Variants in ARHGEF4 observed in about 807,000 individuals in gnomAD.
ARHGEF4 encodes APC-stimulated guanine nucleotide exchange factor 1.
In ARHGEF4, 119 loss-of-function variants were observed where a neutral mutation model predicts 162.0. The ratio of observed to expected loss-of-function variants is 0.73; its 90% confidence interval spans 0.63 to 0.86. ARHGEF4 has a LOEUF of 0.86. Among genes scored for constraint, ARHGEF4 ranks in the 40% least tolerant of loss-of-function variants. ARHGEF4 has a pLI of 0.00. For missense variants in ARHGEF4, 2,488 were observed against 2,456.0 expected (o/e 1.01, Z -0.28); for synonymous variants, 1,014 against 979.9 (o/e 1.03, Z -0.65).
intron 1 of ARHGEF4, among the ~76,000 whole-genome samples, chr2:130,840,738 C>A (rs1680547066): frequency 6.6e-6 from 1 of 152,322 alleles, no homozygotes; most frequent in African/African-American, 2.4e-5. Context: ...CTGCCTCTGG[C>A]AAGCGTCACT....
chr2:130,933,692 T>A (rs997937550), intron 3 of ARHGEF4, among the ~76,000 whole-genome samples: 4 of 152,228 alleles, frequency 2.6e-5, no homozygotes, highest in Non-Finnish European at 5.9e-5. Context: ...GATGACATCA[T>A]AAATGGAAAT....
Position 130,916,552 on chromosome 2 carries a change from C to A in ARHGEF4, c.2606C>A (p.Ala869Glu). The stretch of plus-strand genomic sequence containing the variant: ...CCGCAGGCTGCAGGCGACAGGACTG[C>A]AGGGCCGGCAGGAGCGGGGCACACG... The part of the protein sequence containing the change: ...FVPQAAGDRT[A>E]GPAGAGHTGT... Residue 869 changes from alanine to glutamate, a missense_variant, in exon 2 of 14, where the codon GCA (alanine) becomes GAA (glutamate). This residue lies in a region of ARHGEF4 where 1,642 missense variants were observed against 1,481.5 expected (regional missense o/e 1.11). Transcript: ENST00000409359. 2 of 1,550,042 alleles carry A rather than the reference C, an allele frequency of 1.3e-6. No individual in the cohort carries two copies. The highest frequency in any genetic ancestry group is 1.7e-6 in the Non-Finnish European group (2 of 1,146,818).
intron 1 of ARHGEF4, among the ~76,000 whole-genome samples, chr2:130,880,190 C>T (rs1269701306): frequency 1.3e-5 from 2 of 152,194 alleles, no homozygotes; most frequent in Non-Finnish European, 2.9e-5. Context: ...TGGGTCCAGG[C>T]GGGCTGATCC....
chr2:130,926,492 G>A (rs1682295505), intron 2 of ARHGEF4, among the ~76,000 whole-genome samples: 1 of 152,118 alleles, frequency 6.6e-6, no homozygotes, highest in Non-Finnish European at 1.5e-5. Context: ...TTTGGGGAGT[G>A]GAGTCTTTGT....
intron 3 of ARHGEF4, among the ~76,000 whole-genome samples, chr2:130,941,918 A>G (rs1196679857): frequency 1.3e-5 from 2 of 152,140 alleles, no homozygotes; most frequent in Non-Finnish European, 2.9e-5. Flanking sequence ...GACTATTTAA[A>G]AAAATAAAAT....
chr2:130,974,616 A>T (rs1685578169), intron 4 of ARHGEF4, among the ~76,000 whole-genome samples: 1 of 134,254 alleles, frequency 7.4e-6, no homozygotes, highest in Admixed American at 7.4e-5. Flanking sequence ...ACACCCAGCT[A>T]TTTTTTTTTT....
chr2:130,950,996 TCTC>T (rs1201194291), intron 4 of ARHGEF4, among the ~76,000 whole-genome samples: 1 of 152,204 alleles, frequency 6.6e-6, no homozygotes, highest in African/African-American at 2.4e-5. Context: ...TGTCCTTAAA[TCTC>T]AGGAACCAAC....
intron 4 of ARHGEF4, among the ~76,000 whole-genome samples, chr2:130,976,344 T>A (rs1685708679): frequency 1.3e-5 from 1 of 74,968 alleles, no homozygotes. Context: ...TGTGTGTGTG[T>A]GTGTCTGTGT....
Position 130,916,285 on chromosome 2 carries a change from G to T in ARHGEF4, c.2339G>T (p.Gly780Val). The T allele has an allele frequency of 1.3e-6, 2 of 1,531,026 alleles. No individual in the cohort carries two copies. Among genetic ancestry groups the T allele is most frequent in the Non-Finnish European group, 1.8e-6 (2 of 1,141,148 alleles). 94.8% of individuals were successfully genotyped at this position (1,531,026 alleles called of 1,614,324 possible). A position where few individuals can be genotyped will look rare whatever the true frequency, so the allele number is the denominator to read the frequency against. ...PALEPPQPPR[G>V]LRKGAQEPGK... ...TTGGAGCCGCCCCAGCCGCCACGCG[G>T]GCTCCGCAAGGGCGCGCAGGAGCCT... The change falls in exon 2 of 14, where the codon GGG becomes GTG. Residue 780 changes from glycine (G) to valine (V), a missense_variant. Coordinates refer to ENST00000409359, the MANE Select transcript of ARHGEF4 (RefSeq NM_001367493.1).
chr2:130,927,366 G>C (rs910191589), intron 2 of ARHGEF4, among the ~76,000 whole-genome samples: 2 of 152,152 alleles, frequency 1.3e-5, no homozygotes, highest in Non-Finnish European at 2.9e-5. Flanking sequence ...ATGGTGGAGG[G>C]CCTCACTAAC....
At chr2:130,918,723 G>A (rs1460576802) in intron 2 of ARHGEF4, among the ~76,000 whole-genome samples, 3 of 152,250 alleles carry the variant, frequency 2.0e-5, no homozygotes, top group Admixed American at 2.0e-4. Flanking sequence ...ACAAGGCCGA[G>A]TGGACAGCAT....
intron 3 of ARHGEF4, among the ~76,000 whole-genome samples, chr2:130,932,516 C>T (rs1023642853): frequency 6.6e-6 from 1 of 152,132 alleles, no homozygotes; most frequent in African/African-American, 2.4e-5. Context: ...GCCTGGAATC[C>T]TTTACATATT....
At chr2:130,986,852 T>G (rs1036111197) in intron 4 of ARHGEF4, among the ~76,000 whole-genome samples, 2 of 152,216 alleles carry the variant, frequency 1.3e-5, no homozygotes, top group Non-Finnish European at 1.5e-5. Flanking sequence ...TGGCAGGACA[T>G]TAGCAGGCTC....
In ARHGEF4 at chr2:131,027,828, C is replaced by T. The variant is rs79522940; in HGVS notation, c.3986-117C>T. 1.0e-3 allele frequency: 1,257 copies of T among 1,263,230 alleles called. 11 individuals are homozygous for T. The African/African-American group carries it at 0.017, about 17-fold the overall frequency. The allele number at this position is 1,263,230 out of a possible 1,614,324, so 78.3% of individuals were successfully genotyped here. A position where few individuals can be genotyped will look rare whatever the true frequency, so the allele number is the denominator to read the frequency against. The stretch of plus-strand genomic sequence containing the variant: ...TGAGAACCTAGCCCTGCAACCTGCA[C>T]GCTCCCCCTGCAGAAGAAGCATTTG... On this transcript the variant is annotated intron_variant, in intron 4 of 13. Transcript: ENST00000409359.
At position 131,045,452 on chromosome 2, in the gene ARHGEF4, C is replaced by T. The variant is rs200286229; in HGVS notation, c.5479+6C>T. ...GGTCACAGGGAAGCCCAAAGGTAGG[C>T]GGACAGCAGCCCCACCTCCTCGGCT... On this transcript the variant is annotated splice_donor_region_variant and intron_variant, in intron 13 of 13. Transcript: ENST00000409359. The T allele has an allele frequency of 7.8e-5, 126 of 1,613,536 alleles. No individual in the cohort carries two copies. Among genetic ancestry groups the T allele is most frequent in the Middle Eastern group, 5.0e-4 (3 of 6,060 alleles).
chr2:130,970,455 G>T (rs1685281001), intron 4 of ARHGEF4, among the ~76,000 whole-genome samples: 1 of 152,052 alleles, frequency 6.6e-6, no homozygotes, highest in African/African-American at 2.4e-5. Flanking sequence ...CGGGCATGGT[G>T]GTGCACACCT....
In ARHGEF4 at chr2:130,916,362, T is replaced by C. The variant is rs1378777251; in HGVS notation, c.2416T>C (p.Leu806=). The C allele has an allele frequency of 2.6e-6, 4 of 1,541,444 alleles. No homozygotes were observed. In the African/African-American group the frequency reaches 5.5e-5, roughly 21 times the overall value. ...KVTSFRKGRP[L]ATESPGGVPA... ...GACCTCCTTCAGGAAGGGCAGGCCCTTGGCCACTGAGAGCCCAGGAGGGGT... is the reference window on the plus strand; with the variant it reads ...GACCTCCTTCAGGAAGGGCAGGCCCCTGGCCACTGAGAGCCCAGGAGGGGT... The change falls in exon 2 of 14, where the codon TTG becomes CTG. Residue 806 remains leucine (L), a synonymous_variant. Transcript: ENST00000409359.
At chr2:130,929,677 A>T (rs886571562) in intron 2 of ARHGEF4, 1 of 156,886 alleles carries the variant, frequency 6.4e-6, no homozygotes, top group African/African-American at 2.4e-5. Flanking sequence ...CCAAGATCCA[A>T]TATTAAGTAA....
At chr2:130,984,978 A>G (rs902779656) in intron 4 of ARHGEF4, among the ~76,000 whole-genome samples, 9 of 152,158 alleles carry the variant, frequency 5.9e-5, no homozygotes, top group African/African-American at 2.2e-4. Flanking sequence ...CAAGCCCCCA[A>G]GAGTATCCAT....
Sources: gnomAD v4.1 joint callset for allele counts (sites outside exome capture counted in the v4.1 genomes callset) on GRCh38, gnomAD v4.1.1 for gene constraint, gnomAD v4.1.1 regional missense constraint, MANE v1.5 for transcripts, NCBI Gene and HGNC (gene_info 2026-07-23, HGNC 2026-07-21) for gene names.